The following ANKZF1 variants were observed in gnomAD, a reference collection of about 807,000 sequenced individuals.
ANKZF1 encodes the protein tRNA endonuclease ANKZF1.
ANKZF1 carries 84 observed loss-of-function variants against 86.0 expected under a neutral mutation model. The ratio of observed to expected loss-of-function variants is 0.98; its 90% CI spans 0.82 to 1.17. The LOEUF is 1.17. Among genes scored for constraint, ANKZF1 ranks in the 50% most tolerant of loss-of-function variants. The pLI, the probability that ANKZF1 is intolerant of heterozygous loss-of-function variation, is 0.00. For missense variants in ANKZF1, 893 were observed against 918.4 expected (o/e 0.97, Z 0.36); for synonymous variants, 331 against 354.2 (o/e 0.93, Z 0.74).
chr2:219,233,313 T>C lies in ANKZF1; in HGVS notation c.699T>C (p.Phe233=), dbSNP rs1179818858. 3.7e-6 allele frequency: 6 copies of C among 1,614,138 alleles called. No homozygotes were observed. The African/African-American group carries it at 8.0e-5, about 22-fold the overall frequency. The part of the protein sequence containing the change: ...QGREVVTHKT[F]HRYTVRAKRG... ...GAGAAGTGGTGACACACAAAACTTT[T>C]CACCGCTATACGGTTCGGGCCAAGC... Residue 233 remains phenylalanine (F), a synonymous_variant, in exon 7 of 14, where the codon TTT becomes TTC. Transcript: ENST00000323348.
Position 219,234,251 on chromosome 2 carries a change from G to A in ANKZF1, c.1167G>A (p.Lys389=), listed in dbSNP as rs1487864584. Residue 389 remains lysine, a synonymous_variant, in exon 9 of 14, where the codon AAG becomes AAA. Coordinates refer to ENST00000323348, the MANE Select transcript of ANKZF1 (RefSeq NM_018089.3). ...EEIRKICRDE[K]EALGQNEESP... ...TAAGAAAGATCTGCAGGGATGAAAA[G>A]GAAGCGCTGGGGCAGAATGAGGAAT... is the stretch of plus-strand genomic sequence containing the variant. 8.1e-6 allele frequency: 13 copies of A among 1,613,868 alleles called. No homozygotes were observed. The highest frequency in any genetic ancestry group is 2.7e-5 in the African/African-American group (2 of 74,928).
intron 9 of ANKZF1, 149 bp from the exon 10 acceptor site, chr2:219,234,677 T>C (rs994741163): frequency 9.6e-7 from 1 of 1,041,614 alleles, no homozygotes; most frequent in Non-Finnish European, 1.4e-6. Context: ...CATTTCTGCA[T>C]GTGATATAAT....
In ANKZF1 at chr2:219,232,690, G is replaced by A. The variant is rs1173960621; in HGVS notation, c.558+7G>A. ...TGTCCTAGGCCCTCATCAGGCAAGT[G>A]ACAGTACAGGTTGCATGGCTAACCC... On this transcript the variant is annotated splice_region_variant and intron_variant, in intron 5 of 13. Transcript: ENST00000323348. 3 of 1,612,806 alleles carry A rather than the reference G, an allele frequency of 1.9e-6. No homozygotes were observed. The highest frequency in any genetic ancestry group is 2.5e-6 in the Non-Finnish European group (3 of 1,179,696).
chr2:219,235,207 C>T lies in ANKZF1; in HGVS notation c.1586C>T (p.Ala529Val), dbSNP rs1951170309. Residue 529 changes from alanine (A) to valine (V), a missense_variant, in exon 10 of 14, where the codon GCC (alanine) becomes GTC (valine). Transcript: ENST00000323348. ...ADPRVLSLLSAPLGSGGFTLL... is the reference protein window; with the variant it reads ...ADPRVLSLLSVPLGSGGFTLL... The stretch of plus-strand genomic sequence containing the variant: ...CCTAGAGTTCTGTCTCTGCTCAGTG[C>T]CCCCTTGGGCTCCGGTGGCTTTACT... 1.2e-6 allele frequency: 2 copies of T among 1,613,968 alleles called. No homozygotes were observed. Among genetic ancestry groups the T allele is most frequent in the Non-Finnish European group, 8.5e-7 (1 of 1,180,046 alleles).
chr2:219,236,133 T>G (rs749706100), intron 13 of ANKZF1, 38 bp downstream of exon 13: 1 of 1,612,418 alleles, frequency 6.2e-7, no homozygotes, highest in South Asian at 1.1e-5. Flanking sequence ...TGGACTGTAA[T>G]GTTGCAGGGA....
chr2:219,235,056 T>C lies in ANKZF1; in HGVS notation c.1435T>C (p.Leu479=), dbSNP rs770370575. The change falls in exon 10 of 14, where the codon TTG becomes CTG. Residue 479 remains leucine (L), a synonymous_variant. Transcript: ENST00000323348. ...TQSSQAVAAP[L]GPLLDEAKAP... Reference sequence around the variant, plus strand: ...GTCATCCCAGGCAGTTGCTGCCCCCTTGGGCCCTTTGCTGGATGAGGCCAA... The same window carrying C: ...GTCATCCCAGGCAGTTGCTGCCCCCCTGGGCCCTTTGCTGGATGAGGCCAA... The C allele has an allele frequency of 1.9e-6, 3 of 1,614,146 alleles. No homozygotes were observed. The highest frequency in any genetic ancestry group is 2.7e-5 in the African/African-American group (2 of 74,960).
At chr2:219,234,785 G>T in intron 9 of ANKZF1, 41 bp from the exon 10 acceptor site, 1 of 1,562,574 alleles carries the variant, frequency 6.4e-7, no homozygotes, top group South Asian at 1.2e-5. Context: ...TACCCTCTGA[G>T]TACTCCCTAG....
intron 1 of ANKZF1, 146 bp downstream of exon 1, chr2:219,230,046 T>C: frequency 2.0e-6 from 1 of 508,650 alleles, no homozygotes; most frequent in Non-Finnish European, 3.5e-6. Flanking sequence ...TTCATTCTTT[T>C]GTGGGCTGAG....
Position 219,233,114 on chromosome 2 carries a change from C to G in ANKZF1, c.594C>G (p.Asn198Lys), listed in dbSNP as rs749857095. 10 of 1,614,152 alleles carry G rather than the reference C, an allele frequency of 6.2e-6. No individual in the cohort carries two copies. The East Asian group carries it at 2.2e-4, about 36-fold the overall frequency. ...PPEEAELLLQ[N>K]LQSRGPRDCV... ...AAGAGGCAGAACTGCTGCTACAGAA[C>G]CTGCAAAGTAGAGGTCCCAGAGACT... Residue 198 changes from asparagine (N) to lysine (K), a missense_variant, in exon 6 of 14, where the codon AAC (asparagine) becomes AAG (lysine). By Grantham distance (94) the Asn-to-Lys change is moderately conservative. Transcript: ENST00000323348.
Position 219,233,072 on chromosome 2 carries a change from C to A in ANKZF1, c.559-7C>A. 1 of 1,612,118 alleles carries A rather than the reference C, an allele frequency of 6.2e-7. No individual in the cohort carries two copies. The highest frequency in any genetic ancestry group is 8.5e-7 in the Non-Finnish European group (1 of 1,178,778). ...AGATATGTTTCTGATGCTTCTCTGT[C>A]ATCAAGGATCCCCCAGAAGAGGCAG... On this transcript the variant is annotated splice_polypyrimidine_tract_variant and splice_region_variant and intron_variant, in intron 5 of 13. Coordinates refer to ENST00000323348, the MANE Select transcript of ANKZF1 (RefSeq NM_018089.3).
intron 2 of ANKZF1, 165 bp downstream of exon 2, chr2:219,230,570 T>C (rs1200108621): frequency 2.1e-6 from 2 of 932,044 alleles, no homozygotes; most frequent in Non-Finnish European, 1.5e-6. Flanking sequence ...GCACAGCCCT[T>C]GTTTTCAAAC....
intron 12 of ANKZF1, 33 bp downstream of exon 12, chr2:219,235,908 G>C (rs1279361620): frequency 1.2e-6 from 2 of 1,613,768 alleles, no homozygotes; most frequent in South Asian, 1.1e-5. Flanking sequence ...CCATGGCAAG[G>C]CTTCCTAGAG....
In ANKZF1 at chr2:219,235,106, G is replaced by C. The variant is rs758245062; in HGVS notation, c.1485G>C (p.Trp495Cys). Residue 495 changes from tryptophan to cysteine, a missense_variant, in exon 10 of 14, where the codon TGG becomes TGC. Transcript: ENST00000323348. ...AAGCCCCTGGTCAGCCAGAGCTCTG[G>C]AATGCACTGCTTGCTGCTTGCCGAG... Reference protein sequence around the residue: ...EAKAPGQPELWNALLAACRAG... With the variant: ...EAKAPGQPELCNALLAACRAG... The C allele has an allele frequency of 8.1e-6, 13 of 1,614,196 alleles. No individual in the cohort carries two copies. The South Asian group carries it at 1.3e-4, about 16-fold the overall frequency.
rs368155535 is a variant in ANKZF1 at position 219,236,416 on chromosome 2, C to T, written c.2152C>T (p.Arg718Cys). The change falls in exon 14 of 14, where the codon CGC (arginine) becomes TGC (cysteine). Residue 718 changes from arginine to cysteine, a missense_variant. Transcript: ENST00000323348. Reference protein sequence around the residue: ...FCSTRCLQDHRRQAGRPSS With the variant: ...FCSTRCLQDHCRQAGRPSS The stretch of plus-strand genomic sequence containing the variant: ...CTCCACACGTTGCCTCCAGGATCAT[C>T]GCCGTCAGGCAGGGAGGCCCTCTTC... The T allele has an allele frequency of 7.6e-5, 122 of 1,610,818 alleles. No homozygotes were observed. Among genetic ancestry groups the T allele is most frequent in the Middle Eastern group, 1.6e-4 (1 of 6,080 alleles).
In ANKZF1 at chr2:219,234,961, G is replaced by T. The variant is rs1218785204; in HGVS notation, c.1340G>T (p.Ser447Ile). 6.2e-7 allele frequency: 1 copy of T among 1,614,232 alleles called. No individual in the cohort carries two copies. The highest frequency in any genetic ancestry group is 8.5e-7 in the Non-Finnish European group (1 of 1,180,046). ...AGAAAAAGGAATAAGAAGGAGAAAA[G>T]CCGAGACCAGGAGGCTGGGGCACAT... ...RRRKRNKKEK[S>I]RDQEAGAHRT... Residue 447 changes from serine (S) to isoleucine (I), a missense_variant, in exon 10 of 14, where the codon AGC becomes ATC. Ser to Ile is a moderately radical substitution (Grantham distance 142). Coordinates refer to ENST00000323348, the MANE Select transcript of ANKZF1 (RefSeq NM_018089.3).
rs749668322 is a variant in ANKZF1, at chr2:219,230,227, G to C, written c.-30-1G>C. ...TGTTTCTTACACGCTTTCTACTCCAGGAGCTGCTGCTAAATAATTTCTGCT... is the reference window on the plus strand; with the variant it reads ...TGTTTCTTACACGCTTTCTACTCCACGAGCTGCTGCTAAATAATTTCTGCT... On this transcript the variant is annotated splice_acceptor_variant, in intron 1 of 13. Transcript: ENST00000323348. LOFTEE classifies it low-confidence loss of function (5UTR_SPLICE). 3 of 1,606,434 alleles carry C rather than the reference G, an allele frequency of 1.9e-6. No individual in the cohort carries two copies. The African/African-American group carries it at 4.0e-5, about 21-fold the overall frequency.
At chr2:219,232,142 C>A in intron 3 of ANKZF1, 102 bp downstream of exon 3, 2 of 1,410,394 alleles carry the variant, frequency 1.4e-6, no homozygotes, top group Non-Finnish European at 2.0e-6. Context: ...CATGCTTTGA[C>A]TGAGGCAGTT....
rs1951127190 is a variant in ANKZF1 at position 219,234,005 on chromosome 2, C to T, written c.1048+62C>T. ...TCCTGTTCTCTCCAACCTAAGCCTC[C>T]ATTCTCATTGGTATATCCAGAGGAT... On this transcript the variant is annotated intron_variant, in intron 8 of 13. Coordinates refer to ENST00000323348, the MANE Select transcript of ANKZF1 (RefSeq NM_018089.3). 9.2e-6 allele frequency: 14 copies of T among 1,527,944 alleles called. No individual in the cohort carries two copies. The South Asian group carries it at 1.6e-4, about 17-fold the overall frequency. The allele number at this position is 1,527,944 out of a possible 1,614,324, so 94.6% of individuals were successfully genotyped here.
At position 219,234,137 on chromosome 2, in the gene ANKZF1, A is replaced by G. The variant is rs150725143; in HGVS notation, c.1053A>G (p.Glu351=). Reference sequence around the variant, plus strand: ...AGATCTTTTCTTTTATGGCAGAAGAAGACCCTCGGGAAGCAGTCAGACTGC... The same window carrying G: ...AGATCTTTTCTTTTATGGCAGAAGAGGACCCTCGGGAAGCAGTCAGACTGC... ...HKLTTLHVYE[E]DPREAVRLHS... The change falls in exon 9 of 14, where the codon GAA becomes GAG. Residue 351 remains glutamate, a synonymous_variant. Coordinates refer to ENST00000323348, the MANE Select transcript of ANKZF1 (RefSeq NM_018089.3). 1 of 1,608,274 alleles carries G rather than the reference A, an allele frequency of 6.2e-7. No homozygotes were observed. The highest frequency in any genetic ancestry group is 8.5e-7 in the Non-Finnish European group (1 of 1,178,610).
Sources: gnomAD v4.1 joint callset for allele counts on GRCh38, gnomAD v4.1.1 for gene constraint, MANE v1.5 for transcripts, NCBI Gene and HGNC (gene_info 2026-07-23, HGNC 2026-07-21) for gene names.